The following ADSL variants were observed in gnomAD, a reference collection of about 807,000 sequenced individuals.
ADSL encodes adenylosuccinase.
Under a neutral mutation model 62.1 loss-of-function variants are expected in ADSL, and 44 were observed. That is an observed-to-expected ratio of 0.71 (90% CI 0.56 to 0.91). The LOEUF is 0.91. Ranked by LOEUF, ADSL falls within the 40% of genes least tolerant of loss-of-function variation. ADSL has a pLI of 0.00. For missense variants in ADSL, 531 were observed against 627.4 expected, an observed-to-expected ratio of 0.85 and a Z score of 1.64; for synonymous variants, 198 against 220.5, an observed-to-expected ratio of 0.90 and a Z score of 0.90.
rs1397151257 is a variant in ADSL, at chr22:40,368,110, ACTC to A, written c.*1592_*1594del. On this transcript the variant is annotated 3_prime_UTR_variant, in exon 13 of 13. Coordinates refer to ENST00000623063, the MANE Select transcript of ADSL (RefSeq NM_000026.4). Reference sequence around the variant, plus strand: ...GGCTCTTTATCCTATACAGAAGAAAACTCCTCGGCACTTCAAATATTGCCAGGT... The same window carrying A: ...GGCTCTTTATCCTATACAGAAGAAAACTCGGCACTTCAAATATTGCCAGGT... 4 of 151,990 alleles carry A rather than the reference ACTC, an allele frequency of 2.6e-5. No homozygotes were observed. The highest frequency in any genetic ancestry group is 2.1e-4 in the South Asian group (1 of 4,804). The allele number at this position is 151,990 out of a possible 1,614,324, so 9.4% of individuals were successfully genotyped here.
rs60319316 is a variant in ADSL at position 40,386,562 on chromosome 22, CTTTTTTTTT to C, written c.90-3649_90-3641del. Reference sequence around the variant, plus strand: ...TTTGACCTCTAGTCCAATTTTCTTACTTTTTTTTTTTTTTTTTTTTTTTTTTTAATAAAA... The same window carrying C: ...TTTGACCTCTAGTCCAATTTTCTTACTTTTTTTTTTTTTTTTTTAATAAAA... On this transcript the variant is annotated intron_variant, in intron 2 of 2. Coordinates refer to the ADSL transcript ENST00000498234. Among the ~76,000 whole-genome samples, 44 of 68,368 alleles carry C rather than the reference CTTTTTTTTT, an allele frequency of 6.4e-4. 2 individuals are homozygous for C. The Admixed American group carries it at 6.7e-3, about 10-fold the overall frequency. 44.9% of individuals were successfully genotyped at this position (68,368 alleles called of 152,430 possible).
chr22:40,380,779 C>G (rs1409091378), intron 2 of ADSL, among the ~76,000 whole-genome samples: 2 of 151,976 alleles, frequency 1.3e-5, no homozygotes, highest in South Asian at 4.1e-4. Flanking sequence ...ACAACAGTAA[C>G]AAAAAATTAG....
rs867200729 is a variant in ADSL at position 40,381,067 on chromosome 22, C to T, written c.90-9163C>T. ...TGGTTTAGCATGATATTGGGAAGAA[C>T]GAAGTAATTAGGAAAGGTTATAGAA... On this transcript the variant is annotated intron_variant, in intron 2 of 2. Transcript: ENST00000498234. Among the ~76,000 whole-genome samples, 12 of 152,190 alleles carry T rather than the reference C, an allele frequency of 7.9e-5. No homozygotes were observed. The Middle Eastern group carries it at 0.01, about 130-fold the overall frequency.
intron 2 of ADSL, among the ~76,000 whole-genome samples, chr22:40,384,038 C>T (rs954675961): frequency 3.9e-5 from 6 of 152,146 alleles, no homozygotes; most frequent in African/African-American, 1.4e-4. Context: ...TGCTTGAGTG[C>T]AGGAGTTCAA....
chr22:40,382,145 A>G (rs1316908338), intron 2 of ADSL, among the ~76,000 whole-genome samples: 1 of 152,114 alleles, frequency 6.6e-6, no homozygotes, highest in Non-Finnish European at 1.5e-5. Context: ...TGAGGTCAGG[A>G]TAAGTTTAGG....
At chr22:40,379,722 T>C (rs1452270333) in intron 2 of ADSL, among the ~76,000 whole-genome samples, 1 of 152,180 alleles carries the variant, frequency 6.6e-6, no homozygotes, top group Non-Finnish European at 1.5e-5. Context: ...TCTGTTCTTA[T>C]TATTAAGGCA....
At chr22:40,346,791 G>C (rs530227423) in intron 1 of ADSL, 80 bp downstream of exon 1, 3 of 1,441,826 alleles carry the variant, frequency 2.1e-6, no homozygotes, top group African/African-American at 2.8e-5. Flanking sequence ...TCCGGGCTGG[G>C]CTTAGCCACC....
intron 6 of ADSL, 61 bp from the exon 7 acceptor site, chr22:40,360,341 A>G: frequency 2.8e-6 from 4 of 1,413,770 alleles, no homozygotes; most frequent in South Asian, 2.3e-5. Flanking sequence ...GACTACAGTC[A>G]TGCACCACTG....
chr22:40,379,747 C>T (rs2047250938), intron 2 of ADSL, among the ~76,000 whole-genome samples: 1 of 152,124 alleles, frequency 6.6e-6, no homozygotes, highest in Admixed American at 6.5e-5. Context: ...CTCACTTTGT[C>T]ACCCAGGCTG....
At chr22:40,371,739 C>CG (rs199930911), downstream of ADSL, among the ~76,000 whole-genome samples, 3,107 of 151,944 alleles carry the variant, frequency 0.02, 119 homozygotes, top group African/African-American at 0.071. Flanking sequence ...CGCTCTTGCC[C>CG]GGGCTGGAGT....
intron 2 of ADSL, among the ~76,000 whole-genome samples, chr22:40,375,007 T>C (rs1342236451): frequency 2.6e-5 from 4 of 152,210 alleles, no homozygotes; most frequent in Non-Finnish European, 5.9e-5. Context: ...ACATATATAA[T>C]CACCTCCCCT....
chr22:40,354,208 C>T, intron 3 of ADSL, 40 bp from the exon 4 acceptor site: 1 of 1,554,938 alleles, frequency 6.4e-7, no homozygotes, highest in African/African-American at 1.4e-5. Context: ...TGAACACAAC[C>T]TGAATTCAAC....
intron 5 of ADSL, 30 bp from the exon 6 acceptor site, chr22:40,359,230 T>C: frequency 6.2e-7 from 1 of 1,612,794 alleles, no homozygotes; most frequent in Non-Finnish European, 8.5e-7. Flanking sequence ...ACACATGGAT[T>C]ATTATAAGGA....
At position 40,386,288 on chromosome 22, in the gene ADSL, C is replaced by T. The variant is rs1428621511; in HGVS notation, c.90-3942C>T. Among the ~76,000 whole-genome samples the T allele has an allele frequency of 2.6e-5, 4 of 152,114 alleles. No homozygotes were observed. The East Asian group carries it at 7.7e-4, about 29-fold the overall frequency. On this transcript the variant is annotated intron_variant, in intron 2 of 2. Coordinates refer to the ADSL transcript ENST00000498234. ...CAACATGGGAGTGAAGTGTATGGAC[C>T]TGATTGTTGAAATCAGCATTATTAA... is the stretch of plus-strand genomic sequence containing the variant.
At position 40,353,954 on chromosome 22, in the gene ADSL, G is replaced by A. The variant is rs991212371; in HGVS notation, c.403-294G>A. The A allele has an allele frequency of 2.3e-5, 11 of 482,570 alleles. No individual in the cohort carries two copies. The Admixed American group carries it at 3.4e-4, about 15-fold the overall frequency. The allele number at this position is 482,570 out of a possible 1,614,324, so 29.9% of individuals were successfully genotyped here. A position where few individuals can be genotyped will look rare whatever the true frequency, so the allele number is the denominator to read the frequency against. The stretch of plus-strand genomic sequence containing the variant: ...GCATAGGCTTTTAAACGAAGAGAGT[G>A]CAACCAAAGGCATGTTGCTGGGATA... On this transcript the variant is annotated intron_variant, in intron 3 of 12. Coordinates refer to ENST00000623063, the MANE Select transcript of ADSL (RefSeq NM_000026.4).
At chr22:40,378,406 G>A (rs545934734) in intron 2 of ADSL, 1 of 152,278 alleles carries the variant, frequency 6.6e-6, no homozygotes, top group South Asian at 2.1e-4. Context: ...TCCAGCCTGG[G>A]TGACACAGCA....
At chr22:40,370,798 C>G (rs913232210), downstream of ADSL, 1 of 152,212 alleles carries the variant, frequency 6.6e-6, no homozygotes, top group African/African-American at 2.4e-5. Context: ...GTCGTATGGG[C>G]CGAAGGCGCC....
At chr22:40,366,399 C>T (rs2146678133) in intron 12 of ADSL, 37 bp from the exon 13 acceptor site, 1 of 1,454,704 alleles carries the variant, frequency 6.9e-7, no homozygotes, top group Non-Finnish European at 9.7e-7. Flanking sequence ...AATATCTTAA[C>T]ATTTTCTTTT....
At chr22:40,358,780 T>G in intron 4 of ADSL, 84 bp from the exon 5 acceptor site, 1 of 1,305,298 alleles carries the variant, frequency 7.7e-7, no homozygotes, top group Non-Finnish European at 1.1e-6. Flanking sequence ...CAAGGGGTAA[T>G]GGTGGTTATT....
Sources: allele counts gnomAD v4.1 joint callset (sites outside exome capture counted in the v4.1 genomes callset), GRCh38; gene constraint gnomAD v4.1.1; transcripts MANE v1.5; gene names NCBI Gene and HGNC (gene_info 2026-07-23, HGNC 2026-07-21).